The following ART3 variants were observed in gnomAD, a reference collection of about 807,000 sequenced individuals.
ART3 encodes ecto-ADP-ribosyltransferase 3.
Under a neutral mutation model 48.5 loss-of-function variants are expected in ART3, and 49 were observed. That is an observed-to-expected ratio of 1.01 (90% CI 0.80 to 1.28). The LOEUF (loss-of-function observed/expected upper bound fraction) is 1.28, where lower values mean the gene tolerates loss of function less well. Ranked by LOEUF, ART3 falls within the 50% of genes most tolerant of loss-of-function variation. The pLI is 0.00. For synonymous variants in ART3, 145 were observed against 157.2 expected, an observed-to-expected ratio of 0.92 and a Z score of 0.58; for missense variants, 438 against 454.3, an observed-to-expected ratio of 0.96 and a Z score of 0.33.
chr4:76,077,915 C>T (rs1721492211), intron 2 of ART3, among the ~76,000 whole-genome samples: 1 of 152,128 alleles, frequency 6.6e-6, no homozygotes. Context: ...AGTGGTATTT[C>T]ATTGTGGTTT....
At chr4:76,081,436 G>A (rs7683914) in intron 2 of ART3, among the ~76,000 whole-genome samples, 21,510 of 152,182 alleles carry the variant, frequency 0.14, 2,231 homozygotes, top group African/African-American at 0.28. Flanking sequence ...ATAATATTTT[G>A]CATATGATAC....
intron 1 of ART3, among the ~76,000 whole-genome samples, chr4:76,054,625 A>G (rs1003598286): frequency 1.3e-5 from 2 of 151,544 alleles, no homozygotes; most frequent in South Asian, 2.1e-4. Flanking sequence ...TGAGCTTGGA[A>G]GTTTGAGACC....
chr4:76,038,424 GGT>G (rs1734641432), intron 1 of ART3, among the ~76,000 whole-genome samples: 1 of 152,106 alleles, frequency 6.6e-6, no homozygotes, highest in African/African-American at 2.4e-5. Context: ...CCAAGGATAA[GGT>G]GAGGGGGCTA....
intron 4 of ART3, 55 bp downstream of exon 4, chr4:76,097,731 C>A: frequency 7.0e-7 from 1 of 1,425,266 alleles, no homozygotes; most frequent in South Asian, 1.2e-5. Context: ...AGTTACTTCT[C>A]ATAGCTATGG....
chr4:76,058,936 G>A (rs148680840), intron 1 of ART3, among the ~76,000 whole-genome samples: 2,148 of 152,264 alleles, frequency 0.014, 30 homozygotes, highest in South Asian at 0.03. Context: ...GGAAAGTGAC[G>A]TAGAGAAAAT....
chr4:76,105,672 A>G (rs1728316704), intron 10 of ART3: 1 of 1,052,456 alleles, frequency 9.5e-7, no homozygotes, highest in African/African-American at 1.7e-5. Context: ...ACACTTTCCG[A>G]TATCCCAGTC....
At chr4:76,048,445 G>A (rs994437852) in intron 1 of ART3, among the ~76,000 whole-genome samples, 1 of 151,688 alleles carries the variant, frequency 6.6e-6, no homozygotes, top group African/African-American at 2.4e-5. Context: ...GCATTTCAAG[G>A]GTGAGCCTGT....
chr4:76,073,571 G>A (rs1041119405), upstream of ART3, among the ~76,000 whole-genome samples: 3 of 151,938 alleles, frequency 2.0e-5, no homozygotes, highest in African/African-American at 7.3e-5. Flanking sequence ...ATATATGTGT[G>A]TACAAAAAAA....
chr4:76,075,786 A>G, intron 1 of ART3, 95 bp from the exon 2 acceptor site: 1 of 922,462 alleles, frequency 1.1e-6, no homozygotes. Context: ...ATCCACTCAC[A>G]TTCTAAATGA....
intron 1 of ART3, among the ~76,000 whole-genome samples, chr4:76,015,477 CA>C (rs775406818): frequency 1.6e-4 from 25 of 151,908 alleles, no homozygotes; most frequent in Non-Finnish European, 3.2e-4. Flanking sequence ...AACTACTTAC[CA>C]AAAAAGGAAG....
chr4:76,081,548 C>T (rs1229708297), intron 2 of ART3, among the ~76,000 whole-genome samples: 2 of 152,206 alleles, frequency 1.3e-5, no homozygotes, highest in African/African-American at 4.8e-5. Flanking sequence ...TTGTTCTTTG[C>T]TCTGTGCCAT....
At chr4:76,034,522 A>C in intron 1 of ART3, 1 of 522,278 alleles carries the variant, frequency 1.9e-6, no homozygotes, top group Non-Finnish European at 3.3e-6. Context: ...GCCTTTCTTA[A>C]GGTAGCTTTT....
chr4:76,104,549 A>T, intron 9 of ART3, 48 bp from the exon 10 acceptor site: 1 of 1,551,314 alleles, frequency 6.4e-7, no homozygotes, highest in Non-Finnish European at 8.7e-7. Context: ...TGAAAATTAT[A>T]CTCAGTGGAG....
intron 3 of ART3, among the ~76,000 whole-genome samples, chr4:76,089,755 T>C (rs1724428693): frequency 6.6e-6 from 1 of 152,138 alleles, no homozygotes; most frequent in Non-Finnish European, 1.5e-5. Context: ...CTGACAGATA[T>C]CAAGCCTGGC....
At chr4:76,071,300 G>A (rs192815425), upstream of ART3, among the ~76,000 whole-genome samples, 10 of 149,172 alleles carry the variant, frequency 6.7e-5, no homozygotes, top group East Asian at 1.9e-3. Context: ...ATAGGGAGGC[G>A]GAGGCTGCAG....
intron 1 of ART3, among the ~76,000 whole-genome samples, chr4:76,066,462 C>G (rs1350043876): frequency 6.6e-6 from 1 of 152,052 alleles, no homozygotes; most frequent in Non-Finnish European, 1.5e-5. Context: ...TCTCTCTGCT[C>G]GCTGGTCATC....
chr4:76,047,192 C>T (rs1735593331), intron 1 of ART3, among the ~76,000 whole-genome samples: 1 of 151,972 alleles, frequency 6.6e-6, no homozygotes. Flanking sequence ...ACACTGATAA[C>T]AAGCCCTACC....
At chr4:76,087,585 G>A (rs57415085) in intron 3 of ART3, among the ~76,000 whole-genome samples, 2,232 of 152,242 alleles carry the variant, frequency 0.015, 70 homozygotes, top group African/African-American at 0.05. Flanking sequence ...TTTTTACTGC[G>A]TTACGTTTAG....
chr4:76,099,197 G>A, intron 5 of ART3: 1 of 501,586 alleles, frequency 2.0e-6, no homozygotes, highest in Non-Finnish European at 3.7e-6. Context: ...AGCTACTTGG[G>A]AGGCTGAGGC....
Sources: allele counts gnomAD v4.1 joint callset (sites outside exome capture counted in the v4.1 genomes callset), GRCh38; gene constraint gnomAD v4.1.1; transcripts MANE v1.5; gene names NCBI Gene and HGNC (gene_info 2026-07-23, HGNC 2026-07-21).